SLC16A7: variants seen among roughly 807,000 people sequenced by gnomAD.
The protein encoded by SLC16A7 is monocarboxylate transporter 2.
SLC16A7 carries 33 observed loss-of-function variants against 34.9 expected under a neutral mutation model. The ratio of observed to expected loss-of-function variants is 0.94; its 90% CI spans 0.72 to 1.26. SLC16A7 has a LOEUF of 1.26. Ranked by LOEUF, SLC16A7 falls within the 50% of genes most tolerant of loss-of-function variation. The pLI is 0.00. For missense variants in SLC16A7, 573 were observed against 578.1 expected (o/e 0.99, Z 0.09); for synonymous variants, 201 against 206.6 (o/e 0.97, Z 0.23).
At chr12:59,642,820 T>A (rs959721075) in intron 1 of SLC16A7, among the ~76,000 whole-genome samples, 1 of 152,074 alleles carries the variant, frequency 6.6e-6, no homozygotes, top group Admixed American at 6.5e-5. Context: ...GATTCCATAA[T>A]TGTTGTGAAG....
intron 3 of SLC16A7, chr12:59,736,088 C>A: frequency 4.8e-6 from 1 of 206,754 alleles, no homozygotes; most frequent in Non-Finnish European, 9.9e-6. Context: ...GAGATTTATT[C>A]CCATATCTGA....
In SLC16A7 at chr12:59,668,269, C is replaced by T. The variant is rs146718711; in HGVS notation, c.-31+13019C>T. 8.5e-4 allele frequency among the ~76,000 whole-genome samples: 130 copies of T among 152,238 alleles called. 1 individual carries two copies. In the East Asian group the frequency reaches 0.021, roughly 24 times the overall value. On this transcript the variant is annotated intron_variant, in intron 2 of 5. Coordinates refer to ENST00000547379, the MANE Select transcript of SLC16A7 (RefSeq NM_001270623.2). ...ATCCACCAACAGCTTGCACTGTGAA[C>T]CTGGAAAAGCCACAGGCACTCAACT...
rs1883692711 is a variant in SLC16A7, at chr12:59,787,303, G to T, written c.*7624G>T. Reference sequence around the variant, plus strand: ...ACCTCTACAGTATTTCTTGATCTAAGAACCTGAACATATGTTAATGAAATT... The same window carrying T: ...ACCTCTACAGTATTTCTTGATCTAATAACCTGAACATATGTTAATGAAATT... On this transcript the variant is annotated 3_prime_UTR_variant, in exon 6 of 6. Coordinates refer to ENST00000547379, the MANE Select transcript of SLC16A7 (RefSeq NM_001270623.2). 1 of 152,106 alleles carries T rather than the reference G, an allele frequency of 6.6e-6. No homozygotes were observed. Among genetic ancestry groups the T allele is most frequent in the Non-Finnish European group, 1.5e-5 (1 of 68,010 alleles). 9.4% of individuals were successfully genotyped at this position (152,106 alleles called of 1,614,324 possible).
rs1256187899 is a variant in SLC16A7, at chr12:59,783,296, T to C, written c.*3617T>C. 3 of 152,202 alleles carry C rather than the reference T, an allele frequency of 2.0e-5. No individual in the cohort carries two copies. Among genetic ancestry groups the C allele is most frequent in the Non-Finnish European group, 4.4e-5 (3 of 68,028 alleles). 9.4% of individuals were successfully genotyped at this position (152,202 alleles called of 1,614,324 possible). A position where few individuals can be genotyped will look rare whatever the true frequency, so the allele number is the denominator to read the frequency against. On this transcript the variant is annotated 3_prime_UTR_variant, in exon 6 of 6. Coordinates refer to ENST00000547379, the MANE Select transcript of SLC16A7 (RefSeq NM_001270623.2). ...AATATTTATATGTTATGCATTTTGC[T>C]TATGTAATGCCTTTCAATATGAAAA...
chr12:59,777,629 T>A (rs1199229770), intron 5 of SLC16A7, among the ~76,000 whole-genome samples: 12 of 151,946 alleles, frequency 7.9e-5, no homozygotes, highest in Non-Finnish European at 1.0e-4. Flanking sequence ...TATTTAATCC[T>A]TAAAATATTT....
intron 3 of SLC16A7, among the ~76,000 whole-genome samples, chr12:59,745,242 C>A (rs1381506920): frequency 6.6e-6 from 1 of 152,178 alleles, no homozygotes; most frequent in Non-Finnish European, 1.5e-5. Context: ...ACCCTCAAAG[C>A]CCTAACCAAG....
intron 3 of SLC16A7, among the ~76,000 whole-genome samples, chr12:59,722,477 A>G (rs186827033): frequency 1.4e-3 from 219 of 151,594 alleles, no homozygotes; most frequent in Admixed American, 3.6e-3. Context: ...AGACTTCCCA[A>G]CTCACTCTAA....
chr12:59,766,992 A>T (rs1299922186), intron 3 of SLC16A7, among the ~76,000 whole-genome samples: 2 of 152,020 alleles, frequency 1.3e-5, no homozygotes, highest in African/African-American at 4.8e-5. Flanking sequence ...GCTATTAATT[A>T]TTGCCTCAAA....
intron 3 of SLC16A7, among the ~76,000 whole-genome samples, chr12:59,770,043 C>G (rs1293471129): frequency 1.3e-5 from 2 of 151,862 alleles, no homozygotes; most frequent in African/African-American, 4.8e-5. Context: ...TTATAGTACA[C>G]CAAGAAAGAA....
chr12:59,766,201 A>G (rs1290616487), intron 3 of SLC16A7, among the ~76,000 whole-genome samples: 1 of 152,164 alleles, frequency 6.6e-6, no homozygotes, highest in African/African-American at 2.4e-5. Context: ...ACTTTGCTGA[A>G]GTTGCTTATC....
intron 2 of SLC16A7, among the ~76,000 whole-genome samples, chr12:59,677,496 TG>T (rs1870405134): frequency 6.6e-6 from 1 of 152,200 alleles, no homozygotes; most frequent in Non-Finnish European, 1.5e-5. Context: ...GTCAAATATC[TG>T]TCTCATTCTC....
intron 3 of SLC16A7, among the ~76,000 whole-genome samples, chr12:59,766,347 G>A (rs1406694727): frequency 6.6e-6 from 1 of 152,070 alleles, no homozygotes; most frequent in African/African-American, 2.4e-5. Context: ...GATTGCCCTG[G>A]CCAGAACTTC....
intron 2 of SLC16A7, among the ~76,000 whole-genome samples, chr12:59,681,553 A>C (rs1032164838): frequency 6.6e-6 from 1 of 152,142 alleles, no homozygotes; most frequent in Non-Finnish European, 1.5e-5. Flanking sequence ...TCCTAACCAA[A>C]TTATTTCCTG....
rs201598959 is a variant in SLC16A7, at chr12:59,598,301, T to C, written c.-130+2065T>C. 4.6e-5 allele frequency among the ~76,000 whole-genome samples: 7 copies of C among 152,344 alleles called. No homozygotes were observed. The East Asian group carries it at 1.4e-3, about 29-fold the overall frequency. On this transcript the variant is annotated intron_variant, in intron 1 of 5. Coordinates refer to ENST00000547379, the MANE Select transcript of SLC16A7 (RefSeq NM_001270623.2). Reference sequence around the variant, plus strand: ...ATTGGTGGTACCCACTCTGAAGTGATATTGGGAAGAATGAAGTGTGTGGTA... The same window carrying C: ...ATTGGTGGTACCCACTCTGAAGTGACATTGGGAAGAATGAAGTGTGTGGTA...
rs545328560 is a variant in SLC16A7, at chr12:59,625,877, G to T, written c.-129-29275G>T. ...AAAAACAGAACAACTTGTCAGTTTGGGGAAAAAATTACCATATAATTCCCT... is the reference window on the plus strand; with the variant it reads ...AAAAACAGAACAACTTGTCAGTTTGTGGAAAAAATTACCATATAATTCCCT... On this transcript the variant is annotated intron_variant, in intron 1 of 5. Transcript: ENST00000547379. Among the ~76,000 whole-genome samples, 17 of 151,706 alleles carry T rather than the reference G, an allele frequency of 1.1e-4. No homozygotes were observed. In the East Asian group the frequency reaches 3.1e-3, roughly 28 times the overall value.
rs56000190 is a variant in SLC16A7 at position 59,671,954 on chromosome 12, T to C, written c.-31+16704T>C. Among the ~76,000 whole-genome samples the C allele has an allele frequency of 3.3e-4, 19 of 57,922 alleles. 3 individuals are homozygous for C. Among genetic ancestry groups the C allele is most frequent in the African/African-American group, 9.2e-4 (8 of 8,676 alleles). The allele number at this position is 57,922 out of a possible 152,430, so 38.0% of individuals were successfully genotyped here. ...CCATATATGTATATATGTGTATATA[T>C]GTATATATGTGTATATATCCATATA... On this transcript the variant is annotated intron_variant, in intron 2 of 5. Transcript: ENST00000547379.
chr12:59,750,718 C>A (rs909741387), intron 3 of SLC16A7, among the ~76,000 whole-genome samples: 8 of 152,012 alleles, frequency 5.3e-5, no homozygotes, highest in African/African-American at 1.9e-4. Context: ...GGGTATATAC[C>A]CAAAGGATTA....
chr12:59,653,048 T>A (rs1868372117), intron 1 of SLC16A7, among the ~76,000 whole-genome samples: 1 of 151,888 alleles, frequency 6.6e-6, no homozygotes, highest in Non-Finnish European at 1.5e-5. Context: ...TTTATTGTTT[T>A]ACATATTAGC....
chr12:59,706,644 A>G (rs1873617598), intron 3 of SLC16A7, among the ~76,000 whole-genome samples: 2 of 152,202 alleles, frequency 1.3e-5, no homozygotes, highest in East Asian at 1.9e-4. Context: ...AACAGTAGGT[A>G]TTGTAGAGTA....
Sources: gnomAD v4.1 joint callset for allele counts (sites outside exome capture counted in the v4.1 genomes callset) on GRCh38, gnomAD v4.1.1 for gene constraint, MANE v1.5 for transcripts, NCBI Gene and HGNC (gene_info 2026-07-23, HGNC 2026-07-21) for gene names.